MCF2L2: variants seen among roughly 807,000 people sequenced by gnomAD.
MCF2L2 encodes MCF.2 cell line derived transforming sequence-like 2, also known as probable guanine nucleotide exchange factor MCF2L2.
A neutral mutation model predicts 150.2 loss-of-function variants in MCF2L2; 102 were observed. The observed-to-expected ratio is 0.68, with a 90% CI of 0.58 to 0.80. The LOEUF (loss-of-function observed/expected upper bound fraction) is 0.80, where lower values mean the gene tolerates loss of function less well. Ranked by LOEUF, MCF2L2 falls within the 30% of genes least tolerant of loss-of-function variation. The pLI is 0.00. For missense variants in MCF2L2, 1,256 were observed against 1,372.8 expected, an observed-to-expected ratio of 0.91 and a Z score of 1.34; for synonymous variants, 465 against 491.3, an observed-to-expected ratio of 0.95 and a Z score of 0.71.
intron 27 of MCF2L2, among the ~76,000 whole-genome samples, chr3:183,192,307 T>A (rs1721925658): frequency 6.6e-6 from 1 of 151,862 alleles, no homozygotes; most frequent in Non-Finnish European, 1.5e-5. Context: ...CCCGGCTGAT[T>A]TTTGTATTTT....
At chr3:183,314,635 A>G (rs1729522112) in intron 7 of MCF2L2, among the ~76,000 whole-genome samples, 1 of 152,018 alleles carries the variant, frequency 6.6e-6, no homozygotes. Context: ...GTTTAGGAAA[A>G]AACACTCTCC....
At chr3:183,190,896 A>T (rs1721861564) in intron 27 of MCF2L2, among the ~76,000 whole-genome samples, 1 of 152,016 alleles carries the variant, frequency 6.6e-6, no homozygotes, top group African/African-American at 2.4e-5. Context: ...ATTTTATTTT[A>T]TTTTTTGAGA....
chr3:183,335,366 A>G (rs1730435325), intron 5 of MCF2L2, among the ~76,000 whole-genome samples: 1 of 87,882 alleles, frequency 1.1e-5, no homozygotes, highest in Non-Finnish European at 2.0e-5. Context: ...ACATATAAAT[A>G]CATAAACATA....
At chr3:183,248,157 C>A (rs975988576) in intron 15 of MCF2L2, among the ~76,000 whole-genome samples, 1 of 152,078 alleles carries the variant, frequency 6.6e-6, no homozygotes, top group Non-Finnish European at 1.5e-5. Context: ...ATGATGCAAA[C>A]ATCTCTCTCA....
At chr3:183,277,205 C>T (rs930761367) in intron 14 of MCF2L2, among the ~76,000 whole-genome samples, 19 of 152,002 alleles carry the variant, frequency 1.2e-4, no homozygotes, top group Non-Finnish European at 8.8e-5. Flanking sequence ...GGCGTGGTGG[C>T]AGGCGCCTGT....
At chr3:183,391,275 T>G (rs1235052417) in intron 1 of MCF2L2, among the ~76,000 whole-genome samples, 1 of 151,962 alleles carries the variant, frequency 6.6e-6, no homozygotes, top group Non-Finnish European at 1.5e-5. Flanking sequence ...TTTTGTTTTT[T>G]TCTGAAAGTC....
At position 183,196,009 on chromosome 3, in the gene MCF2L2, T is replaced by C. The variant is rs183652898; in HGVS notation, c.2885-754A>G. Among the ~76,000 whole-genome samples, 8 of 152,018 alleles carry C rather than the reference T, an allele frequency of 5.3e-5. No individual in the cohort carries two copies. In the East Asian group the frequency reaches 1.2e-3, roughly 22 times the overall value. ...CCCACCCTGCTGCCTGCCCCTGCAC[T>C]CTTCTGGCTGGGGCCTGATCTTTCC... On this transcript the variant is annotated intron_variant, in intron 25 of 29. Transcript: ENST00000328913.
intron 5 of MCF2L2, among the ~76,000 whole-genome samples, chr3:183,337,485 G>A (rs915478712): frequency 8.7e-5 from 13 of 150,196 alleles, no homozygotes; most frequent in African/African-American, 1.5e-4. Flanking sequence ...CCCAGGAGGT[G>A]GAGGTTGCAG....
chr3:183,209,935 TA>T (rs1000217159), intron 22 of MCF2L2, among the ~76,000 whole-genome samples: 201 of 141,728 alleles, frequency 1.4e-3, no homozygotes, highest in Non-Finnish European at 1.7e-3. Context: ...AATCCTCCCC[TA>T]AAAAAAAAAA....
chr3:183,411,993 T>C (rs1186848664), intron 1 of MCF2L2, among the ~76,000 whole-genome samples: 1 of 152,146 alleles, frequency 6.6e-6, no homozygotes, highest in Non-Finnish European at 1.5e-5. Flanking sequence ...CTCTGTGAAA[T>C]GCACAGAAGG....
intron 13 of MCF2L2, 27 bp downstream of exon 13, chr3:183,295,273 A>G: frequency 6.3e-7 from 1 of 1,580,752 alleles, no homozygotes; most frequent in African/African-American, 1.4e-5. Context: ...CAAAAGCCAC[A>G]AAGCTTCTTT....
At chr3:183,292,081 G>A (rs114914426) in intron 13 of MCF2L2, among the ~76,000 whole-genome samples, 3,040 of 146,956 alleles carry the variant, frequency 0.021, 56 homozygotes, top group East Asian at 0.063. Context: ...GAGTGTATGT[G>A]TGTGGATGTG....
At chr3:183,238,995 C>CTA (rs1723878474) in intron 15 of MCF2L2, among the ~76,000 whole-genome samples, 1 of 88,866 alleles carries the variant, frequency 1.1e-5, no homozygotes, top group African/African-American at 3.8e-5. Context: ...ATATCCGTCT[C>CTA]AAAAAAAAAA....
chr3:183,299,998 T>G lies in MCF2L2; in HGVS notation c.1305+7A>C. 1.9e-6 allele frequency: 3 copies of G among 1,609,640 alleles called. No homozygotes were observed. Among genetic ancestry groups the G allele is most frequent in the Non-Finnish European group, 2.5e-6 (3 of 1,178,886 alleles). On this transcript the variant is annotated splice_region_variant and intron_variant, in intron 11 of 29. Transcript: ENST00000328913. ...AGACATCATGTTCTTGGCTGTGTTT[T>G]GCTCACCTTGTCCAGCTGTCTATGA...
chr3:183,389,828 A>C (rs760297637), intron 1 of MCF2L2, 49 bp from the exon 2 acceptor site: 2 of 1,442,686 alleles, frequency 1.4e-6, no homozygotes, highest in African/African-American at 2.8e-5. Flanking sequence ...TGCAAATTAC[A>C]AGAAGAAATT....
intron 27 of MCF2L2, among the ~76,000 whole-genome samples, chr3:183,186,594 G>A (rs1721703595): frequency 6.6e-6 from 1 of 152,218 alleles, no homozygotes; most frequent in Non-Finnish European, 1.5e-5. Flanking sequence ...AGGTGTGGTG[G>A]TGGGCACCTG....
chr3:183,296,642 C>G, intron 12 of MCF2L2: 1 of 208,496 alleles, frequency 4.8e-6, no homozygotes. Flanking sequence ...TTGTTAATGT[C>G]AGCCTCTCCC....
intron 3 of MCF2L2, chr3:183,373,117 A>T (rs1228179769): frequency 6.6e-6 from 1 of 152,204 alleles, no homozygotes; most frequent in Non-Finnish European, 1.5e-5. Flanking sequence ...GAAAGTGACC[A>T]CTAGGATTTA....
chr3:183,228,126 T>C, intron 18 of MCF2L2, 171 bp downstream of exon 18: 1 of 586,578 alleles, frequency 1.7e-6, no homozygotes, highest in Non-Finnish European at 3.1e-6. Context: ...TCATGTTGTA[T>C]AGTTTGAATA....
Sources: gnomAD v4.1 joint callset for allele counts (sites outside exome capture counted in the v4.1 genomes callset) on GRCh38, gnomAD v4.1.1 for gene constraint, MANE v1.5 for transcripts, NCBI Gene and HGNC (gene_info 2026-07-23, HGNC 2026-07-21) for gene names.